GNAQ: variants seen among roughly 807,000 people sequenced by gnomAD.
GNAQ encodes guanine nucleotide-binding protein G(q) subunit alpha.
Under a neutral mutation model 43.9 loss-of-function variants are expected in GNAQ, and 8 were observed. That is an observed-to-expected ratio of 0.18 (90% CI 0.11 to 0.33). GNAQ has a LOEUF of 0.33. Among genes scored for constraint, GNAQ ranks in the 10% least tolerant of loss-of-function variants. GNAQ has a pLI of 1.00. For synonymous variants in GNAQ, 155 were observed against 170.7 expected, an observed-to-expected ratio of 0.91 and a Z score of 0.71; for missense variants, 158 against 450.8, an observed-to-expected ratio of 0.35 and a Z score of 5.88.
At chr9:77,974,169 C>A (rs1047714503) in intron 1 of GNAQ, among the ~76,000 whole-genome samples, 18 of 152,234 alleles carry the variant, frequency 1.2e-4, no homozygotes, top group Admixed American at 3.3e-4. Flanking sequence ...CTTTAAGACA[C>A]TGAAGAACTC....
At chr9:77,799,929 T>C (rs1371191626) in intron 3 of GNAQ, among the ~76,000 whole-genome samples, 2 of 152,208 alleles carry the variant, frequency 1.3e-5, no homozygotes, top group Non-Finnish European at 2.9e-5. Flanking sequence ...GGGAGAATAC[T>C]GGTGTGAAAC....
intron 2 of GNAQ, among the ~76,000 whole-genome samples, chr9:77,835,985 A>T (rs1827377049): frequency 6.6e-6 from 1 of 152,162 alleles, no homozygotes; most frequent in African/African-American, 2.4e-5. Flanking sequence ...TAGTAAGATG[A>T]TTTTAAGATA....
chr9:77,937,289 A>C (rs1346583946), intron 1 of GNAQ, among the ~76,000 whole-genome samples: 1 of 152,086 alleles, frequency 6.6e-6, no homozygotes, highest in East Asian at 1.9e-4. Context: ...AAAATACAAA[A>C]ATTATCTGAG....
At chr9:77,916,971 C>G (rs1344906571) in intron 2 of GNAQ, among the ~76,000 whole-genome samples, 1 of 152,144 alleles carries the variant, frequency 6.6e-6, no homozygotes, top group Non-Finnish European at 1.5e-5. Context: ...AGATTATAAG[C>G]CAACTATCAA....
At chr9:78,017,664 A>G (rs1380361912) in intron 1 of GNAQ, among the ~76,000 whole-genome samples, 2 of 152,360 alleles carry the variant, frequency 1.3e-5, no homozygotes, top group East Asian at 3.9e-4. Context: ...ATAGCAAAAG[A>G]TCAACAGTTT....
At chr9:77,761,494 A>G (rs1481467050) in intron 5 of GNAQ, among the ~76,000 whole-genome samples, 1 of 102,334 alleles carries the variant, frequency 9.8e-6, no homozygotes, top group Admixed American at 1.1e-4. Flanking sequence ...TCCGGGAGGG[A>G]GGTGGGGAGG....
chr9:77,939,408 T>C (rs1829282711), intron 1 of GNAQ, among the ~76,000 whole-genome samples: 1 of 152,230 alleles, frequency 6.6e-6, no homozygotes, highest in Non-Finnish European at 1.5e-5. Flanking sequence ...TAGGAATATT[T>C]TAGTCACCTT....
At chr9:77,990,741 T>C (rs534469390) in intron 1 of GNAQ, among the ~76,000 whole-genome samples, 14 of 152,342 alleles carry the variant, frequency 9.2e-5, no homozygotes, top group African/African-American at 3.1e-4. Flanking sequence ...AAATTTGGCC[T>C]AACCATTTCA....
intron 5 of GNAQ, among the ~76,000 whole-genome samples, chr9:77,771,668 T>A (rs1587909273): frequency 6.6e-6 from 1 of 151,944 alleles, no homozygotes. Flanking sequence ...AAATGTGGGG[T>A]CCTTGTTTAA....
chr9:78,000,241 G>C (rs1028056809), intron 1 of GNAQ, among the ~76,000 whole-genome samples: 2 of 152,064 alleles, frequency 1.3e-5, no homozygotes, highest in Admixed American at 1.3e-4. Flanking sequence ...AATGTAGAGC[G>C]GTGAAAAATA....
intron 6 of GNAQ, 23 bp from the exon 7 acceptor site, chr9:77,721,536 G>A: frequency 6.8e-7 from 1 of 1,467,614 alleles, no homozygotes; most frequent in Non-Finnish European, 9.5e-7. Flanking sequence ...AGACAAGAGG[G>A]ACACTTTGTT....
intron 1 of GNAQ, among the ~76,000 whole-genome samples, chr9:78,019,806 C>T (rs1052505014): frequency 2.0e-5 from 3 of 151,818 alleles, no homozygotes; most frequent in South Asian, 4.1e-4. Flanking sequence ...CGCCTGTAAT[C>T]CCAGCTACTT....
chr9:77,936,606 T>G (rs1564156813), intron 1 of GNAQ, among the ~76,000 whole-genome samples: 1 of 152,136 alleles, frequency 6.6e-6, no homozygotes, highest in African/African-American at 2.4e-5. Flanking sequence ...TTAAACCAAC[T>G]AAATGCAAAA....
At chr9:77,980,255 C>T (rs1823352934) in intron 1 of GNAQ, among the ~76,000 whole-genome samples, 1 of 152,144 alleles carries the variant, frequency 6.6e-6, no homozygotes, top group African/African-American at 2.4e-5. Context: ...AAAGCATAGC[C>T]CCTGGTGCTC....
chr9:77,791,092 T>C lies in GNAQ; in HGVS notation c.735+3371A>G, dbSNP rs192724046. Among the ~76,000 whole-genome samples, 33 of 152,300 alleles carry C rather than the reference T, an allele frequency of 2.2e-4. No individual in the cohort carries two copies. In the East Asian group the frequency reaches 5.8e-3, roughly 27 times the overall value. On this transcript the variant is annotated intron_variant, in intron 5 of 6. Transcript: ENST00000286548. ...GAACTATCTTGACGTTTTAATAAAA[T>C]GATAACATAATTCCTCATGACCATT...
chr9:77,754,645 G>A (rs1587899303), intron 5 of GNAQ, among the ~76,000 whole-genome samples: 1 of 152,158 alleles, frequency 6.6e-6, no homozygotes, highest in African/African-American at 2.4e-5. Context: ...CTGCACAGGA[G>A]CTGGGGATCA....
intron 5 of GNAQ, among the ~76,000 whole-genome samples, chr9:77,753,086 C>CAAAAAAAAA (rs547963667): frequency 5.7e-5 from 3 of 52,984 alleles, no homozygotes; most frequent in African/African-American, 1.9e-4. Flanking sequence ...GACTCTGTCT[C>CAAAAAAAAA]AAAAAAAAAA....
chr9:77,780,321 G>A (rs1388064285), intron 5 of GNAQ, among the ~76,000 whole-genome samples: 1 of 151,662 alleles, frequency 6.6e-6, no homozygotes. Context: ...TTACTTCTAT[G>A]AGATCTACAG....
intron 2 of GNAQ, among the ~76,000 whole-genome samples, chr9:77,875,892 G>C (rs1828117170): frequency 6.6e-6 from 1 of 152,100 alleles, no homozygotes; most frequent in South Asian, 2.1e-4. Context: ...TTGCTGAAAA[G>C]AGGGAGAAAA....
Sources: gnomAD v4.1 joint callset for allele counts (sites outside exome capture counted in the v4.1 genomes callset) on GRCh38, gnomAD v4.1.1 for gene constraint, MANE v1.5 for transcripts, NCBI Gene and HGNC (gene_info 2026-07-23, HGNC 2026-07-21) for gene names.